ANKAR: variants seen among roughly 807,000 people sequenced by gnomAD.
The protein encoded by ANKAR is ankyrin and armadillo repeat-containing protein.
ANKAR carries 136 observed loss-of-function variants against 146.2 expected under a neutral mutation model. The observed-to-expected ratio is 0.93, with a 90% confidence interval of 0.81 to 1.07. The LOEUF (loss-of-function observed/expected upper bound fraction) is 1.07, where lower values mean the gene tolerates loss of function less well. ANKAR is among the 50% of genes least tolerant of loss of function. The pLI, the probability that ANKAR is intolerant of heterozygous loss-of-function variation, is 0.00. For synonymous variants in ANKAR, 500 were observed against 575.8 expected (o/e 0.87, Z 1.88); for missense variants, 1,567 against 1,679.9 (o/e 0.93, Z 1.18).
chr2:189,737,651 T>C, intron 17 of ANKAR, 32 bp from the exon 18 acceptor site: 1 of 1,560,414 alleles, frequency 6.4e-7, no homozygotes, highest in Non-Finnish European at 8.6e-7. Flanking sequence ...ATAAATGAAG[T>C]TCACCATAAT....
At position 189,677,670 on chromosome 2, in the gene ANKAR, TTTC is replaced by T. The variant is rs537203275; in HGVS notation, c.601+582_601+584del. Among the ~76,000 whole-genome samples, 13 of 151,844 alleles carry T rather than the reference TTTC, an allele frequency of 8.6e-5. No homozygotes were observed. In the South Asian group the frequency reaches 2.7e-3, roughly 31 times the overall value. ...TTTCATGGTATATATATTTTCTTTC[TTTC>T]TTTTTTTTTTTTTCTTTTTTGGAGA... is the stretch of plus-strand genomic sequence containing the variant. On this transcript the variant is annotated intron_variant, in intron 2 of 22. Transcript: ENST00000684021.
At chr2:189,693,752 T>G (rs925679221) in intron 5 of ANKAR, among the ~76,000 whole-genome samples, 1 of 151,816 alleles carries the variant, frequency 6.6e-6, no homozygotes. Flanking sequence ...TCTTTGTTTT[T>G]GTTTGTTTGT....
chr2:189,692,924 G>A (rs889803218), intron 4 of ANKAR, 150 bp from the exon 5 acceptor site: 9 of 435,024 alleles, frequency 2.1e-5, no homozygotes, highest in Admixed American at 1.3e-4. Context: ...CTCAAAGTAA[G>A]GATTAGATAT....
intron 2 of ANKAR, among the ~76,000 whole-genome samples, chr2:189,685,209 G>A (rs1035738260): frequency 1.3e-5 from 2 of 151,550 alleles, no homozygotes; most frequent in East Asian, 3.9e-4. Context: ...ATGTTGTCCC[G>A]GCTGGGACAT....
chr2:189,696,301 C>A lies in ANKAR; in HGVS notation c.1640C>A (p.Ser547Tyr), dbSNP rs370037926. The A allele has an allele frequency of 6.2e-7, 1 of 1,614,054 alleles. No individual in the cohort carries two copies. The highest frequency in any genetic ancestry group is 1.3e-5 in the African/African-American group (1 of 75,012). ...CATGCTGCCCTGCACAACAGAGTTT[C>A]TATTATATGTCAACTGTGCAATGCT... ...FHHAALHNRV[S>Y]IICQLCNANF... is the part of the protein sequence containing the mutation. The change falls in exon 7 of 23, where the codon TCT becomes TAT. Residue 547 changes from serine (S) to tyrosine (Y), a missense_variant. Transcript: ENST00000684021.
chr2:189,700,450 A>C (rs950127117), intron 7 of ANKAR, among the ~76,000 whole-genome samples: 3 of 152,196 alleles, frequency 2.0e-5, no homozygotes, highest in African/African-American at 7.2e-5. Context: ...CTTGGAGTAC[A>C]TGAGATTTTT....
chr2:189,697,648 A>G (rs1173749369), intron 7 of ANKAR, among the ~76,000 whole-genome samples: 1 of 152,196 alleles, frequency 6.6e-6, no homozygotes, highest in Non-Finnish European at 1.5e-5. Context: ...GCAATAGGTA[A>G]CACTATTTAA....
chr2:189,689,714 T>C lies in ANKAR; in HGVS notation c.789T>C (p.Phe263=). The change falls in exon 3 of 23, where the codon TTT becomes TTC. Residue 263 remains phenylalanine (F), a synonymous_variant. Transcript: ENST00000684021. ...AACAGTATGAAAATGTCTTTATATT[T>C]GAAACAGGCTATTGGCTTACTAATG... ...QIQQYENVFI[F]ETGYWLTNAI... is the part of the protein sequence containing the mutation. The C allele has an allele frequency of 6.2e-7, 1 of 1,613,588 alleles. No individual in the cohort carries two copies. The highest frequency in any genetic ancestry group is 8.5e-7 in the Non-Finnish European group (1 of 1,179,666).
In ANKAR at chr2:189,689,541, A is replaced by T; in HGVS notation, c.616A>T (p.Thr206Ser). The change falls in exon 3 of 23, where the codon ACA becomes TCA. Residue 206 changes from threonine to serine, a missense_variant. Transcript: ENST00000684021. ...TTATCATGAAGGTTTGACTGATATT[A>T]CAAAGGATCCAGACTTTAATGAAAT... ...EFSSAGLTDI[T>S]KDPDFNEIYD... 6.3e-7 allele frequency: 1 copy of T among 1,577,900 alleles called. No homozygotes were observed. Among genetic ancestry groups the T allele is most frequent in the Non-Finnish European group, 8.6e-7 (1 of 1,166,052 alleles).
In ANKAR at chr2:189,696,156, C is replaced by T; in HGVS notation, c.1495C>T (p.Pro499Ser). The T allele has an allele frequency of 6.2e-7, 1 of 1,613,630 alleles. No individual in the cohort carries two copies. The highest frequency in any genetic ancestry group is 1.1e-5 in the South Asian group (1 of 91,014). ...CTGGCCTTCTTAATTTTAGAGTATT[C>T]CATTTGGTATGAAGTCCGCTGTTGA... is the stretch of plus-strand genomic sequence containing the variant. The part of the protein sequence containing the change: ...FKRAMKCKSI[P>S]FGMKSAVERG... Residue 499 changes from proline to serine, a missense_variant, in exon 7 of 23, where the codon CCA (proline) becomes TCA (serine). Coordinates refer to ENST00000684021, the MANE Select transcript of ANKAR (RefSeq NM_001378068.1).
chr2:189,685,948 A>C (rs951235231), intron 2 of ANKAR, among the ~76,000 whole-genome samples: 1 of 152,164 alleles, frequency 6.6e-6, no homozygotes, highest in Non-Finnish European at 1.5e-5. Context: ...TCTTTTAAAA[A>C]AATTCTTGCA....
At chr2:189,719,898 T>A in intron 11 of ANKAR, 85 bp downstream of exon 11, 1 of 1,343,572 alleles carries the variant, frequency 7.4e-7, no homozygotes, top group Non-Finnish European at 9.9e-7. Flanking sequence ...CACGTTACTA[T>A]TCAGTGACAA....
intron 9 of ANKAR, among the ~76,000 whole-genome samples, chr2:189,708,637 A>T (rs567942201): frequency 1.3e-5 from 2 of 152,352 alleles, no homozygotes; most frequent in South Asian, 2.1e-4. Context: ...AGGCTAAGCT[A>T]TGCTGTTTGG....
chr2:189,734,007 A>T (rs1219766502), intron 17 of ANKAR, among the ~76,000 whole-genome samples: 1 of 152,082 alleles, frequency 6.6e-6, no homozygotes. Flanking sequence ...TTTATAGAAT[A>T]TCCCTCAATT....
chr2:189,741,540 G>A, intron 20 of ANKAR, 89 bp downstream of exon 20: 1 of 830,838 alleles, frequency 1.2e-6, no homozygotes, highest in Non-Finnish European at 1.9e-6. Context: ...TCCACTGATT[G>A]ACTGTGTTAT....
At chr2:189,696,021 A>G in intron 6 of ANKAR, 129 bp from the exon 7 acceptor site, 2 of 740,038 alleles carry the variant, frequency 2.7e-6, no homozygotes, top group East Asian at 5.4e-5. Context: ...CCATGCATGG[A>G]TCTTGTGAAA....
intron 12 of ANKAR, among the ~76,000 whole-genome samples, chr2:189,726,966 C>G (rs2041943165): frequency 6.6e-6 from 1 of 152,026 alleles, no homozygotes; most frequent in African/African-American, 2.4e-5. Flanking sequence ...ATTCTTACAA[C>G]TTTTCTATAA....
chr2:189,687,058 C>A (rs891943404), intron 2 of ANKAR, among the ~76,000 whole-genome samples: 8 of 152,074 alleles, frequency 5.3e-5, no homozygotes, highest in Admixed American at 2.0e-4. Context: ...AATACTAGAT[C>A]TTATTCATTC....
chr2:189,710,773 G>A (rs1192223564), intron 9 of ANKAR, among the ~76,000 whole-genome samples: 2 of 152,190 alleles, frequency 1.3e-5, no homozygotes, highest in Non-Finnish European at 2.9e-5. Context: ...TTGCACTCCA[G>A]CCTGGGCAAC....
Sources: gnomAD v4.1 joint callset for allele counts (sites outside exome capture counted in the v4.1 genomes callset) on GRCh38, gnomAD v4.1.1 for gene constraint, MANE v1.5 for transcripts, NCBI Gene and HGNC (gene_info 2026-07-23, HGNC 2026-07-21) for gene names.